The following PLEKHM1 variants were observed in gnomAD, a reference collection of about 807,000 sequenced individuals.
The protein encoded by PLEKHM1 is pleckstrin homology and RUN domain containing M1.
PLEKHM1 carries 28 observed loss-of-function variants against 94.3 expected under a neutral mutation model. That is an observed-to-expected ratio of 0.30 (90% CI 0.22 to 0.41). PLEKHM1 has a LOEUF of 0.41. PLEKHM1 is among the 10% of genes least tolerant of loss of function. The pLI is 1.00. For missense variants in PLEKHM1, 907 were observed against 1,358.6 expected, an observed-to-expected ratio of 0.67 and a Z score of 5.22; for synonymous variants, 424 against 581.2, an observed-to-expected ratio of 0.73 and a Z score of 3.89.
At chr17:45,461,927 G>A (rs529040936) in intron 5 of PLEKHM1, among the ~76,000 whole-genome samples, 1 of 152,336 alleles carries the variant, frequency 6.6e-6, no homozygotes, top group East Asian at 1.9e-4. Context: ...TGGAAGGGCA[G>A]AGGCAAGGAA....
chr17:45,454,127 C>A lies in PLEKHM1; in HGVS notation c.1725G>T (p.Glu575Asp). Reference protein sequence around the residue: ...YLSNEEHTCVENCSLLRCESV... With the variant: ...YLSNEEHTCVDNCSLLRCESV... ...ACTCACAGCGAAGCAGCGAGCAGTT[C>A]TCCACACAGGTGTGCTCCTCGTTGC... The change falls in exon 7 of 12, where the codon GAG becomes GAT. Residue 575 changes from glutamate (E) to aspartate (D), a missense_variant. Physicochemically the swap from Glu to Asp is conservative, Grantham distance 45. Coordinates refer to ENST00000430334, the MANE Select transcript of PLEKHM1 (RefSeq NM_014798.3). 1.2e-6 allele frequency: 2 copies of A among 1,614,204 alleles called. No homozygotes were observed. Among genetic ancestry groups the A allele is most frequent in the South Asian group, 1.1e-5 (1 of 91,092 alleles).
intron 4 of PLEKHM1, among the ~76,000 whole-genome samples, chr17:45,470,944 G>A (rs2051490122): frequency 6.6e-6 from 1 of 151,996 alleles, no homozygotes; most frequent in Admixed American, 6.6e-5. Context: ...GGGATTACAG[G>A]AGTGAGCCAC....
In PLEKHM1 at chr17:45,445,723, G is replaced by A; in HGVS notation, c.2644-60C>T. ...AATGGCTGTTCAGTGAGCACTGCCT[G>A]GCCAGGTGCCACATGACCTGCTCAC... On this transcript the variant is annotated intron_variant, in intron 8 of 11. Transcript: ENST00000430334. This position sits in a 1 kb window ranked among gnomAD's most constrained non-coding sequence, Gnocchi z 4.2. The A allele has an allele frequency of 7.3e-7, 1 of 1,373,674 alleles. No individual in the cohort carries two copies. Among genetic ancestry groups the A allele is most frequent in the Non-Finnish European group, 1.0e-6 (1 of 961,902 alleles). The allele number at this position is 1,373,674 out of a possible 1,614,324, so 85.1% of individuals were successfully genotyped here.
At chr17:45,454,730 C>T (rs2050892901) in intron 6 of PLEKHM1, 2 of 278,442 alleles carry the variant, frequency 7.2e-6, no homozygotes, top group Non-Finnish European at 6.9e-6. Flanking sequence ...TGCACGCTGT[C>T]ATTTCTCCCA....
At chr17:45,477,311 G>A (rs2051779585) in intron 3 of PLEKHM1, 2 of 177,642 alleles carry the variant, frequency 1.1e-5, no homozygotes, top group Admixed American at 5.4e-5. Context: ...GTGCGCGCCT[G>A]TTGTCCCAGT....
intron 3 of PLEKHM1, among the ~76,000 whole-genome samples, chr17:45,476,422 C>T (rs868180343): frequency 4.9e-4 from 74 of 151,878 alleles, no homozygotes; most frequent in African/African-American, 1.7e-3. Flanking sequence ...AAATCAACAA[C>T]CCTGTAAGAG....
chr17:45,445,743 G>C lies in PLEKHM1; in HGVS notation c.2644-80C>G. 1 of 1,010,446 alleles carries C rather than the reference G, an allele frequency of 9.9e-7. No homozygotes were observed. The highest frequency in any genetic ancestry group is 1.6e-6 in the Non-Finnish European group (1 of 633,844). 62.6% of individuals were successfully genotyped at this position (1,010,446 alleles called of 1,614,324 possible). The stretch of plus-strand genomic sequence containing the variant: ...TGCCTGGCCAGGTGCCACATGACCT[G>C]CTCACTTACCTGAGGGGCTATCTTC... On this transcript the variant is annotated intron_variant, in intron 8 of 11. Coordinates refer to ENST00000430334, the MANE Select transcript of PLEKHM1 (RefSeq NM_014798.3). This position sits in a 1 kb window ranked among gnomAD's most constrained non-coding sequence, Gnocchi z 4.2.
chr17:45,469,194 G>A (rs2051419373), intron 4 of PLEKHM1, among the ~76,000 whole-genome samples: 1 of 152,202 alleles, frequency 6.6e-6, no homozygotes, highest in African/African-American at 2.4e-5. Context: ...AGAAACTGCT[G>A]CTGGAGCTCA....
intron 1 of PLEKHM1, among the ~76,000 whole-genome samples, chr17:45,488,175 T>G (rs2052187861): frequency 6.6e-6 from 1 of 152,200 alleles, no homozygotes; most frequent in African/African-American, 2.4e-5. Flanking sequence ...GTGGAGTCAG[T>G]GAACACTAGC....
intron 1 of PLEKHM1, among the ~76,000 whole-genome samples, chr17:45,482,879 G>A (rs1001305346): frequency 8.6e-5 from 13 of 151,676 alleles, no homozygotes; most frequent in African/African-American, 1.5e-4. Context: ...GGAGCTGCAG[G>A]TTCGAGGGGG....
intron 4 of PLEKHM1, among the ~76,000 whole-genome samples, chr17:45,472,759 C>T (rs1176822660): frequency 6.6e-6 from 1 of 152,194 alleles, no homozygotes; most frequent in Admixed American, 6.5e-5. Context: ...CCTGACCTTC[C>T]TGGGCTTGTA....
rs184345865 is a variant in PLEKHM1, at chr17:45,464,372, C to T, written c.1308+3837G>A. 3.2e-3 allele frequency among the ~76,000 whole-genome samples: 490 copies of T among 152,306 alleles called. 3 individuals carry two copies. Among genetic ancestry groups the T allele is most frequent in the Non-Finnish European group, 5.4e-3 (366 of 68,030 alleles). On this transcript the variant is annotated intron_variant, in intron 5 of 11. Transcript: ENST00000430334. The stretch of plus-strand genomic sequence containing the variant: ...AAAATAAATGTTTTTAAAAGAAAGA[C>T]TGAATGGGTCTCTACACTATAAAAC...
chr17:45,489,217 C>T (rs1035670423), intron 1 of PLEKHM1, among the ~76,000 whole-genome samples: 1 of 152,180 alleles, frequency 6.6e-6, no homozygotes, highest in African/African-American at 2.4e-5. Context: ...TAGGCCTCAG[C>T]CTCCCCAGGA....
chr17:45,445,918 C>T lies in PLEKHM1; in HGVS notation c.2644-255G>A, dbSNP rs1222543176. The stretch of plus-strand genomic sequence containing the variant: ...TAATGACAAGGGTCACTGCCCCCTC[C>T]CCAATCATGCTGAGATGAGGGAGGG... On this transcript the variant is annotated intron_variant, in intron 8 of 11. Coordinates refer to ENST00000430334, the MANE Select transcript of PLEKHM1 (RefSeq NM_014798.3). The surrounding 1 kb of genome is among the most constrained non-coding windows in gnomAD (Gnocchi z 4.2). Among the ~76,000 whole-genome samples the T allele has an allele frequency of 6.6e-6, 1 of 152,230 alleles. No homozygotes were observed. Among genetic ancestry groups the T allele is most frequent in the Non-Finnish European group, 1.5e-5 (1 of 68,030 alleles).
chr17:45,437,199 G>A lies in PLEKHM1; in HGVS notation c.*659C>T, dbSNP rs1319083954. The A allele has an allele frequency of 6.6e-6, 3 of 452,884 alleles. No individual in the cohort carries two copies. Among genetic ancestry groups the A allele is most frequent in the Non-Finnish European group, 1.3e-5 (3 of 225,548 alleles). The allele number at this position is 452,884 out of a possible 1,614,324, so 28.1% of individuals were successfully genotyped here. On this transcript the variant is annotated 3_prime_UTR_variant, in exon 12 of 12. Transcript: ENST00000430334. The surrounding 1 kb of genome is among the most constrained non-coding windows in gnomAD (Gnocchi z 4.0). Reference sequence around the variant, plus strand: ...ACGCACTGGGGTGGGGAGTAAAGAGGACACAGAGGAACCGGGGTCGCCAGG... The same window carrying A: ...ACGCACTGGGGTGGGGAGTAAAGAGAACACAGAGGAACCGGGGTCGCCAGG...
intron 11 of PLEKHM1, 70 bp from the exon 12 acceptor site, chr17:45,438,039 C>A: frequency 8.6e-7 from 1 of 1,161,174 alleles, no homozygotes; most frequent in East Asian, 2.4e-5. Flanking sequence ...CGCTGGCCAG[C>A]CCTTTTGACC....
chr17:45,467,227 G>A, intron 5 of PLEKHM1, among the ~76,000 whole-genome samples: 1 of 152,220 alleles, frequency 6.6e-6, no homozygotes, highest in Admixed American at 6.5e-5. Flanking sequence ...GGTTACAGGT[G>A]TGAGCCACCA....
intron 4 of PLEKHM1, among the ~76,000 whole-genome samples, chr17:45,469,321 G>A (rs1222346880): frequency 1.3e-5 from 2 of 152,126 alleles, no homozygotes; most frequent in Non-Finnish European, 2.9e-5. Flanking sequence ...GGGCCACAGG[G>A]AGCAAATGTT....
chr17:45,458,525 C>A, intron 5 of PLEKHM1, 86 bp from the exon 6 acceptor site: 1 of 1,385,234 alleles, frequency 7.2e-7, no homozygotes, highest in Non-Finnish European at 1.0e-6. Flanking sequence ...GGCTGGAGTG[C>A]AATCGCGCAA....
Sources: allele counts gnomAD v4.1 joint callset (sites outside exome capture counted in the v4.1 genomes callset), GRCh38; gene constraint gnomAD v4.1.1; non-coding constraint Gnocchi (gnomAD v3.1); transcripts MANE v1.5; gene names NCBI Gene and HGNC (gene_info 2026-07-23, HGNC 2026-07-21).